RO60: variants seen among roughly 807,000 people sequenced by gnomAD.
RO60 encodes the protein RNA-binding protein RO60.
Under a neutral mutation model 55.3 loss-of-function variants are expected in RO60, and 20 were observed. The observed-to-expected ratio is 0.36, with a 90% CI of 0.25 to 0.53. The LOEUF (loss-of-function observed/expected upper bound fraction) is 0.53, where lower values mean the gene tolerates loss of function less well. Among genes scored for constraint, RO60 ranks in the 20% least tolerant of loss-of-function variants. The pLI, the probability that RO60 is intolerant of heterozygous loss-of-function variation, is 0.92. For synonymous variants in RO60, 213 were observed against 213.6 expected (o/e 1.00, Z 0.02); for missense variants, 558 against 646.6 (o/e 0.86, Z 1.49).
intron 1 of RO60, chr1:193,060,197 G>A: frequency 1.1e-6 from 1 of 918,410 alleles, no homozygotes; most frequent in Non-Finnish European, 1.4e-6. Context: ...ATTTATCACA[G>A]AGGAATAACG....
At position 193,085,001 on chromosome 1, in the gene RO60, A is replaced by G. The variant is rs895178975; in HGVS notation, c.*270A>G. On this transcript the variant is annotated 3_prime_UTR_variant, in exon 9 of 9. Coordinates refer to ENST00000400968, the MANE Select transcript of RO60 (RefSeq NM_001173524.2). ...TTTTTGTTAACAGACACTGTAAAAT[A>G]GTTTTGCTTTGTTGAATAATACGTG... 3.2e-6 allele frequency: 5 copies of G among 1,544,868 alleles called. No homozygotes were observed. The highest frequency in any genetic ancestry group is 4.4e-6 in the Non-Finnish European group (5 of 1,145,320).
Position 193,059,961 on chromosome 1 carries a change from C to T in RO60, c.-22+185C>T, listed in dbSNP as rs772044717. On this transcript the variant is annotated intron_variant, in intron 1 of 8. Transcript: ENST00000400968. This position sits in a 1 kb window ranked among gnomAD's most constrained non-coding sequence, Gnocchi z 4.9. ...CCACCCTGGGTAACGGAACCAGCAT[C>T]GCGGTAGGGACATCCTCGCTAGGCC... is the stretch of plus-strand genomic sequence containing the variant. 7.3e-7 allele frequency: 1 copy of T among 1,366,460 alleles called. No homozygotes were observed. Among genetic ancestry groups the T allele is most frequent in the Admixed American group, 1.9e-5 (1 of 52,578 alleles). The allele number at this position is 1,366,460 out of a possible 1,614,324, so 84.6% of individuals were successfully genotyped here.
intron 1 of RO60, among the ~76,000 whole-genome samples, chr1:193,061,311 C>CT (rs1384634638): frequency 1.3e-5 from 2 of 152,324 alleles, no homozygotes; most frequent in African/African-American, 4.8e-5. Flanking sequence ...AAACAAACCT[C>CT]TATCATGGGC....
At chr1:193,062,946 T>C (rs1430903661) in intron 1 of RO60, among the ~76,000 whole-genome samples, 2 of 152,230 alleles carry the variant, frequency 1.3e-5, no homozygotes, top group Admixed American at 1.3e-4. Flanking sequence ...TGATGGACAT[T>C]TGGGTTGCTT....
In RO60 at chr1:193,084,910, T is replaced by G; in HGVS notation, c.*179T>G. 1.3e-6 allele frequency: 2 copies of G among 1,495,968 alleles called. No homozygotes were observed. The highest frequency in any genetic ancestry group is 1.8e-6 in the Non-Finnish European group (2 of 1,128,988). 92.7% of individuals were successfully genotyped at this position (1,495,968 alleles called of 1,614,324 possible). ...AAAATAAGATGGGCCCAAAGGTCTATCTACTAAACTAGCTCTTGGGGAAAT... is the reference window on the plus strand; with the variant it reads ...AAAATAAGATGGGCCCAAAGGTCTAGCTACTAAACTAGCTCTTGGGGAAAT... On this transcript the variant is annotated 3_prime_UTR_variant, in exon 9 of 9. Transcript: ENST00000400968.
chr1:193,081,650 T>A (rs1674320617), intron 6 of RO60, among the ~76,000 whole-genome samples, 170 bp downstream of exon 6: 2 of 152,292 alleles, frequency 1.3e-5, no homozygotes, highest in East Asian at 3.8e-4. Flanking sequence ...GAGTGTTAAG[T>A]GTGTTGAAAA....
chr1:193,085,216 T>TAAA lies in RO60; in HGVS notation c.*494_*496dup. The TAAA allele has an allele frequency of 1.1e-6, 1 of 932,424 alleles. No homozygotes were observed. The highest frequency in any genetic ancestry group is 1.4e-6 in the Non-Finnish European group (1 of 740,594). 57.8% of individuals were successfully genotyped at this position (932,424 alleles called of 1,614,324 possible). ...TCTGTAAACTTTTATACCAAGGGGG[T>TAAA]AAAAAAAAAAACTAAGGCATTTGAT... On this transcript the variant is annotated 3_prime_UTR_variant, in exon 9 of 9. Transcript: ENST00000400968.
At position 193,059,723 on chromosome 1, in the gene RO60, G is replaced by A; in HGVS notation, c.-75G>A. 7.4e-7 allele frequency: 1 copy of A among 1,353,580 alleles called. No individual in the cohort carries two copies. Among genetic ancestry groups the A allele is most frequent in the Non-Finnish European group, 9.8e-7 (1 of 1,016,176 alleles). The allele number at this position is 1,353,580 out of a possible 1,614,324, so 83.8% of individuals were successfully genotyped here. A position where few individuals can be genotyped will look rare whatever the true frequency, so the allele number is the denominator to read the frequency against. On this transcript the variant is annotated 5_prime_UTR_variant, in exon 1 of 9. Coordinates refer to ENST00000400968, the MANE Select transcript of RO60 (RefSeq NM_001173524.2). The surrounding 1 kb of genome is among the most constrained non-coding windows in gnomAD (Gnocchi z 4.9). ...TTCTTTTGTCGTTTCCCAGCGCTGC[G>A]CAGGACTTCTCCTGGCGGCGCTGCG...
intron 1 of RO60, among the ~76,000 whole-genome samples, chr1:193,064,267 T>A (rs534923440): frequency 5.3e-5 from 8 of 152,332 alleles, no homozygotes; most frequent in African/African-American, 1.9e-4. Context: ...TCATGGAAGG[T>A]TGGCCTGACC....
At chr1:193,091,763 T>TC, downstream of RO60, 1 of 1,201,718 alleles carries the variant, frequency 8.3e-7, no homozygotes, top group Non-Finnish European at 1.2e-6. Context: ...CCAAATAAAC[T>TC]CTATGCACAT....
At chr1:193,060,122 G>A (rs907388824) in intron 1 of RO60, 2 of 1,198,406 alleles carry the variant, frequency 1.7e-6, no homozygotes, top group African/African-American at 1.6e-5. Context: ...CGCGGCTTCT[G>A]CGCGGAGAGG....
At position 193,085,294 on chromosome 1, in the gene RO60, C is replaced by T. The variant is rs574608512; in HGVS notation, c.*563C>T. Reference sequence around the variant, plus strand: ...CTTTCAGAGTTTTACTAAGATCACACAAATAACAGCTTTCTTATTCAGTGA... The same window carrying T: ...CTTTCAGAGTTTTACTAAGATCACATAAATAACAGCTTTCTTATTCAGTGA... On this transcript the variant is annotated 3_prime_UTR_variant, in exon 9 of 9. Coordinates refer to ENST00000400968, the MANE Select transcript of RO60 (RefSeq NM_001173524.2). 9.3e-7 allele frequency: 1 copy of T among 1,079,922 alleles called. No individual in the cohort carries two copies. Among genetic ancestry groups the T allele is most frequent in the East Asian group, 5.8e-5 (1 of 17,162 alleles). 66.9% of individuals were successfully genotyped at this position (1,079,922 alleles called of 1,614,324 possible).
At chr1:193,076,395 A>G (rs1673920180) in intron 3 of RO60, 106 bp from the exon 4 acceptor site, 2 of 1,226,904 alleles carry the variant, frequency 1.6e-6, no homozygotes, top group East Asian at 2.7e-5. Context: ...TTGAACCCCA[A>G]ATGAAAGCCT....
At chr1:193,068,917 T>C (rs1673294393) in intron 1 of RO60, 117 bp from the exon 2 acceptor site, 1 of 695,426 alleles carries the variant, frequency 1.4e-6, no homozygotes, top group Non-Finnish European at 2.3e-6. Context: ...CTATGGAACT[T>C]AAAAGATGTT....
At chr1:193,073,914 T>C (rs1416955016) in intron 2 of RO60, among the ~76,000 whole-genome samples, 3 of 97,506 alleles carry the variant, frequency 3.1e-5, no homozygotes, top group Non-Finnish European at 6.4e-5. Flanking sequence ...CAGGCCCTGG[T>C]GTGTGATGTT....
chr1:193,070,146 CAAAA>C (rs112979908), intron 2 of RO60, among the ~76,000 whole-genome samples: 1 of 86,186 alleles, frequency 1.2e-5, no homozygotes, highest in Non-Finnish European at 2.6e-5. Flanking sequence ...AGTAGAAAAG[CAAAA>C]AAAAAAAAAA....
chr1:193,060,897 T>C (rs1672595444), intron 1 of RO60, among the ~76,000 whole-genome samples: 1 of 152,012 alleles, frequency 6.6e-6, no homozygotes, highest in Non-Finnish European at 1.5e-5. Context: ...AAGTAGTTTG[T>C]GGTATTTTTT....
Position 193,079,081 on chromosome 1 carries a change from C to CTTTTTTT in RO60, c.1086+2049_1086+2055dup, listed in dbSNP as rs745317535. On this transcript the variant is annotated intron_variant, in intron 5 of 8. Transcript: ENST00000400968. ...AAACCTTGCATATATGTTCAGTTGA[C>CTTTTTTT]TTTTTTTTTTTTTTTTTTTTTTTTG... Among the ~76,000 whole-genome samples the CTTTTTTT allele has an allele frequency of 1.9e-4, 16 of 85,932 alleles. 2 individuals are homozygous for CTTTTTTT. The highest frequency in any genetic ancestry group is 3.4e-4 in the Admixed American group (2 of 5,878). The allele number at this position is 85,932 out of a possible 152,430, so 56.4% of individuals were successfully genotyped here.
At chr1:193,071,673 G>T (rs1467190380) in intron 2 of RO60, among the ~76,000 whole-genome samples, 2 of 151,122 alleles carry the variant, frequency 1.3e-5, no homozygotes, top group Non-Finnish European at 2.9e-5. Flanking sequence ...GTAGAATCAT[G>T]AAAGATTCTT....
Sources: allele counts gnomAD v4.1 joint callset (sites outside exome capture counted in the v4.1 genomes callset), GRCh38; gene constraint gnomAD v4.1.1; non-coding constraint Gnocchi (gnomAD v3.1); transcripts MANE v1.5; gene names NCBI Gene and HGNC (gene_info 2026-07-23, HGNC 2026-07-21).